The following DLG2 variants were observed in gnomAD, a reference collection of about 807,000 sequenced individuals.
The protein encoded by DLG2 is disks large homolog 2.
In DLG2, 45 loss-of-function variants were observed where a neutral mutation model predicts 132.5. The ratio of observed to expected loss-of-function variants is 0.34; its 90% confidence interval spans 0.27 to 0.44. DLG2 has a LOEUF of 0.44. DLG2 is among the 20% of genes least tolerant of loss of function. The pLI is 1.00. For missense variants in DLG2, 1,045 were observed against 1,196.9 expected (o/e 0.87, Z 1.87); for synonymous variants, 424 against 419.6 (o/e 1.01, Z -0.13).
At chr11:85,371,105 T>C (rs1421199449) in intron 3 of DLG2, among the ~76,000 whole-genome samples, 2 of 152,172 alleles carry the variant, frequency 1.3e-5, no homozygotes, top group East Asian at 1.9e-4. Context: ...TAATGAGCTA[T>C]AGAACTTTAA....
chr11:83,891,038 T>C (rs367585493), intron 15 of DLG2, among the ~76,000 whole-genome samples: 361 of 152,266 alleles, frequency 2.4e-3, no homozygotes, highest in Admixed American at 7.1e-3. Flanking sequence ...TGAGGGAATA[T>C]GCATGCCATC....
At chr11:85,468,589 C>T (rs2092881604) in intron 3 of DLG2, among the ~76,000 whole-genome samples, 1 of 152,160 alleles carries the variant, frequency 6.6e-6, no homozygotes, top group Admixed American at 6.5e-5. Context: ...CACACAGGAG[C>T]AGGTTGTTCA....
intron 6 of DLG2, among the ~76,000 whole-genome samples, chr11:84,537,908 G>A (rs2099359346): frequency 6.6e-6 from 1 of 152,186 alleles, no homozygotes; most frequent in African/African-American, 2.4e-5. Flanking sequence ...ACTATAAAAT[G>A]CTGTGAACTC....
intron 6 of DLG2, among the ~76,000 whole-genome samples, chr11:84,818,737 T>C (rs1316603622): frequency 6.6e-6 from 1 of 151,908 alleles, no homozygotes; most frequent in Non-Finnish European, 1.5e-5. Context: ...TTTAATCCTA[T>C]AAGGTACATA....
chr11:83,668,298 C>T (rs189221229), intron 18 of DLG2, among the ~76,000 whole-genome samples: 1 of 152,226 alleles, frequency 6.6e-6, no homozygotes, highest in African/African-American at 2.4e-5. Flanking sequence ...ATTTTCAATT[C>T]TTCCTCTCCA....
At chr11:84,386,078 T>G (rs2098768850) in intron 7 of DLG2, among the ~76,000 whole-genome samples, 1 of 152,190 alleles carries the variant, frequency 6.6e-6, no homozygotes, top group East Asian at 1.9e-4. Flanking sequence ...TTTTTATTAC[T>G]TTTAAAGTAA....
At chr11:83,486,427 GAC>G (rs750382945) in intron 21 of DLG2, among the ~76,000 whole-genome samples, 2 of 151,976 alleles carry the variant, frequency 1.3e-5, no homozygotes, top group African/African-American at 2.4e-5. Context: ...TGAAAATGTA[GAC>G]AGAGAGGGAC....
chr11:84,901,686 T>A (rs940559025), intron 6 of DLG2, among the ~76,000 whole-genome samples: 2 of 152,118 alleles, frequency 1.3e-5, no homozygotes, highest in Non-Finnish European at 2.9e-5. Context: ...AAAATGTTGT[T>A]ATAGGGTCAT....
chr11:84,509,054 T>A (rs2099250103), intron 7 of DLG2, among the ~76,000 whole-genome samples: 1 of 152,232 alleles, frequency 6.6e-6, no homozygotes, highest in Non-Finnish European at 1.5e-5. Flanking sequence ...GTGAAAGAAA[T>A]GTAGCAGACA....
chr11:85,499,330 A>C (rs577704340), intron 3 of DLG2, among the ~76,000 whole-genome samples: 1 of 152,374 alleles, frequency 6.6e-6, no homozygotes, highest in African/African-American at 2.4e-5. Context: ...CTATGCAAAT[A>C]AACTAGAAAA....
At chr11:85,544,350 T>C (rs1262035026) in intron 3 of DLG2, among the ~76,000 whole-genome samples, 1 of 152,200 alleles carries the variant, frequency 6.6e-6, no homozygotes, top group Non-Finnish European at 1.5e-5. Context: ...CATTGGTTTA[T>C]ATATCTGTTT....
chr11:85,337,679 G>C (rs577518185), intron 3 of DLG2, among the ~76,000 whole-genome samples: 2 of 152,246 alleles, frequency 1.3e-5, no homozygotes, highest in Non-Finnish European at 2.9e-5. Context: ...ATGCTGATTA[G>C]GCTCAGTAAA....
At chr11:83,805,805 C>A (rs1403808043) in intron 17 of DLG2, among the ~76,000 whole-genome samples, 2 of 152,058 alleles carry the variant, frequency 1.3e-5, no homozygotes, top group African/African-American at 4.8e-5. Context: ...TTTTTAAGAC[C>A]AGATACTTCT....
intron 8 of DLG2, among the ~76,000 whole-genome samples, chr11:84,237,051 C>T (rs1019596805): frequency 2.0e-4 from 31 of 151,838 alleles, no homozygotes; most frequent in African/African-American, 7.5e-4. Context: ...GCCTCAGCCT[C>T]CTGAGTAGCT....
rs1385723447 is a variant in DLG2 at position 84,599,964 on chromosome 11, C to T, written c.358-65233G>A. On this transcript the variant is annotated intron_variant, in intron 6 of 27. Transcript: ENST00000376104. ...GGAAGATCACCTGAGCCCTGCGAGGCTGAGGCTGCAGTGAATCCTGATGGC... is the reference window on the plus strand; with the variant it reads ...GGAAGATCACCTGAGCCCTGCGAGGTTGAGGCTGCAGTGAATCCTGATGGC... 1.3e-5 allele frequency among the ~76,000 whole-genome samples: 2 copies of T among 151,008 alleles called. 1 individual carries two copies. Among genetic ancestry groups the T allele is most frequent in the South Asian group, 4.2e-4 (2 of 4,784 alleles).
At chr11:84,326,228 CT>C (rs1275235106) in intron 7 of DLG2, among the ~76,000 whole-genome samples, 1 of 151,316 alleles carries the variant, frequency 6.6e-6, no homozygotes, top group Non-Finnish European at 1.5e-5. Flanking sequence ...TAATTTTATT[CT>C]TTATTTTTTT....
At chr11:85,197,185 G>C (rs928934113) in intron 4 of DLG2, among the ~76,000 whole-genome samples, 2 of 152,056 alleles carry the variant, frequency 1.3e-5, no homozygotes, top group Non-Finnish European at 2.9e-5. Flanking sequence ...ATGTAATATT[G>C]AACTTTGCCC....
chr11:84,223,548 T>G (rs548796749), intron 8 of DLG2, among the ~76,000 whole-genome samples: 6 of 150,166 alleles, frequency 4.0e-5, no homozygotes, highest in African/African-American at 1.2e-4. Flanking sequence ...TTGGGAAAAT[T>G]TATGTGACTT....
intron 4 of DLG2, among the ~76,000 whole-genome samples, chr11:85,262,729 G>A (rs1595788220): frequency 6.6e-6 from 1 of 152,270 alleles, no homozygotes; most frequent in East Asian, 1.9e-4. Flanking sequence ...GAAAAACTTT[G>A]TAATTTTAAG....
Sources: allele counts gnomAD v4.1 joint callset (sites outside exome capture counted in the v4.1 genomes callset), GRCh38; gene constraint gnomAD v4.1.1; transcripts MANE v1.5; gene names NCBI Gene and HGNC (gene_info 2026-07-23, HGNC 2026-07-21).